KIAA1328: variants seen among roughly 807,000 people sequenced by gnomAD.
The protein encoded by KIAA1328 is KIAA1328, also known as protein hinderin.
A neutral mutation model predicts 68.1 loss-of-function variants in KIAA1328; 52 were observed. That is an observed-to-expected ratio of 0.76 (90% confidence interval 0.61 to 0.96). KIAA1328 has a LOEUF of 0.96. Ranked by LOEUF, KIAA1328 falls within the 40% of genes least tolerant of loss-of-function variation. The pLI is 0.00. For synonymous variants in KIAA1328, 232 were observed against 239.4 expected (o/e 0.97, Z 0.28); for missense variants, 641 against 677.6 (o/e 0.95, Z 0.60).
intron 1 of KIAA1328, among the ~76,000 whole-genome samples, chr18:36,834,007 G>A (rs2150761647): frequency 6.6e-6 from 1 of 152,262 alleles, no homozygotes. Context: ...AGTATATATT[G>A]CAGGGTAACC....
intron 7 of KIAA1328, among the ~76,000 whole-genome samples, chr18:37,071,800 C>T (rs2056543888): frequency 6.6e-6 from 1 of 152,154 alleles, no homozygotes; most frequent in Admixed American, 6.5e-5. Context: ...TCAAAGTCTA[C>T]TGGTGTCATA....
chr18:36,973,830 T>TACACACACACACATAC (rs2052349557), intron 6 of KIAA1328, among the ~76,000 whole-genome samples: 1 of 147,278 alleles, frequency 6.8e-6, no homozygotes, highest in South Asian at 2.2e-4. Context: ...CACACACACA[T>TACACACACACACATAC]ACACACACAC....
chr18:37,160,059 T>A (rs902312349), intron 7 of KIAA1328, 141 bp from the exon 8 acceptor site: 62 of 615,578 alleles, frequency 1.0e-4, no homozygotes, highest in Non-Finnish European at 1.5e-4. Context: ...TTGAGTAAAT[T>A]ATTTAAATTA....
At position 36,907,546 on chromosome 18, in the gene KIAA1328, G is replaced by A. The variant is rs185044610; in HGVS notation, c.448+21874G>A. Among the ~76,000 whole-genome samples the A allele has an allele frequency of 4.6e-5, 7 of 152,230 alleles. No individual in the cohort carries two copies. The East Asian group carries it at 1.4e-3, about 29-fold the overall frequency. On this transcript the variant is annotated intron_variant, in intron 5 of 9. Transcript: ENST00000280020. ...AAGCTTTTTTTGTGTAAATTGATCTGATCATATAGTTTTGCTGATGATTAA... is the reference window on the plus strand; with the variant it reads ...AAGCTTTTTTTGTGTAAATTGATCTAATCATATAGTTTTGCTGATGATTAA...
chr18:37,113,068 A>C (rs983970779), intron 7 of KIAA1328, among the ~76,000 whole-genome samples: 2 of 152,252 alleles, frequency 1.3e-5, no homozygotes, highest in Non-Finnish European at 2.9e-5. Context: ...GAATGGAACC[A>C]AGTTGGAAAA....
intron 6 of KIAA1328, among the ~76,000 whole-genome samples, chr18:36,990,780 TTTG>T (rs2151415158): frequency 6.6e-6 from 1 of 152,210 alleles, no homozygotes; most frequent in African/African-American, 2.4e-5. Flanking sequence ...TGTGTTTCTG[TTTG>T]TTAAATTCCC....
chr18:36,868,508 T>C (rs1312255025), intron 4 of KIAA1328, among the ~76,000 whole-genome samples: 1 of 152,204 alleles, frequency 6.6e-6, no homozygotes, highest in Non-Finnish European at 1.5e-5. Context: ...GATAATTCTC[T>C]ATACATGCAT....
At chr18:36,867,588 CAT>C (rs1034243068) in intron 4 of KIAA1328, among the ~76,000 whole-genome samples, 1 of 152,136 alleles carries the variant, frequency 6.6e-6, no homozygotes, top group Non-Finnish European at 1.5e-5. Flanking sequence ...AAGTTTAAAG[CAT>C]TCTTACAAGA....
intron 4 of KIAA1328, among the ~76,000 whole-genome samples, chr18:36,875,366 T>C (rs1224867616): frequency 1.3e-5 from 2 of 152,086 alleles, no homozygotes; most frequent in Admixed American, 1.3e-4. Flanking sequence ...GTAGTTCTCC[T>C]TGAAGAGGTC....
chr18:37,227,179 A>G (rs2154228172), downstream of KIAA1328, among the ~76,000 whole-genome samples: 1 of 152,356 alleles, frequency 6.6e-6, no homozygotes, highest in South Asian at 2.1e-4. Context: ...ATAGATGAAA[A>G]GCTTGCAGCT....
intron 5 of KIAA1328, among the ~76,000 whole-genome samples, chr18:36,899,356 G>A (rs1324065234): frequency 2.0e-5 from 3 of 151,864 alleles, no homozygotes; most frequent in Non-Finnish European, 2.9e-5. Context: ...TCAGTATGTA[G>A]TCAGTAAATA....
At position 36,909,103 on chromosome 18, in the gene KIAA1328, A is replaced by G. The variant is rs185463764; in HGVS notation, c.448+23431A>G. Among the ~76,000 whole-genome samples the G allele has an allele frequency of 4.6e-5, 7 of 152,198 alleles. No individual in the cohort carries two copies. The East Asian group carries it at 1.4e-3, about 29-fold the overall frequency. On this transcript the variant is annotated intron_variant, in intron 5 of 9. Transcript: ENST00000280020. Reference sequence around the variant, plus strand: ...TTTGAGTATAACTTACTCTGACCAAATAGAATAAAGCTGAAGTGATAGCTA... The same window carrying G: ...TTTGAGTATAACTTACTCTGACCAAGTAGAATAAAGCTGAAGTGATAGCTA...
chr18:37,003,437 C>T (rs1006915991), intron 6 of KIAA1328, among the ~76,000 whole-genome samples: 53 of 152,146 alleles, frequency 3.5e-4, no homozygotes, highest in African/African-American at 1.3e-3. Flanking sequence ...TAACTGTTCA[C>T]CTGGCAGGGG....
chr18:37,182,207 A>C (rs1186538187), intron 9 of KIAA1328, among the ~76,000 whole-genome samples: 2 of 152,182 alleles, frequency 1.3e-5, no homozygotes, highest in African/African-American at 4.8e-5. Flanking sequence ...CCTTAACTTC[A>C]ACTTTAAGAA....
intron 7 of KIAA1328, among the ~76,000 whole-genome samples, chr18:37,126,924 G>A (rs2058406579): frequency 6.6e-6 from 1 of 152,046 alleles, no homozygotes; most frequent in African/African-American, 2.4e-5. Flanking sequence ...AGTAATAGAA[G>A]GGAACTTCCT....
intron 6 of KIAA1328, among the ~76,000 whole-genome samples, chr18:36,966,913 A>G (rs1394413918): frequency 2.6e-5 from 4 of 152,162 alleles, no homozygotes; most frequent in African/African-American, 9.7e-5. Flanking sequence ...AACTGGTAAA[A>G]CAGTCTTAAA....
intron 3 of KIAA1328, among the ~76,000 whole-genome samples, chr18:36,836,228 A>G (rs574727402): frequency 3.5e-4 from 53 of 152,336 alleles, no homozygotes; most frequent in African/African-American, 1.3e-3. Flanking sequence ...TACTTGTACC[A>G]GTGTACCCAC....
At chr18:37,036,270 A>ACT (rs2055024267) in intron 6 of KIAA1328, among the ~76,000 whole-genome samples, 1 of 152,222 alleles carries the variant, frequency 6.6e-6, no homozygotes, top group African/African-American at 2.4e-5. Context: ...ACTTATAGGA[A>ACT]AGAAGCAGTT....
At chr18:37,012,375 A>G (rs2054008079) in intron 6 of KIAA1328, among the ~76,000 whole-genome samples, 1 of 152,194 alleles carries the variant, frequency 6.6e-6, no homozygotes, top group African/African-American at 2.4e-5. Flanking sequence ...CCAGAAAACT[A>G]AAATGTATTC....
Sources: allele counts gnomAD v4.1 joint callset (sites outside exome capture counted in the v4.1 genomes callset), GRCh38; gene constraint gnomAD v4.1.1; transcripts MANE v1.5; gene names NCBI Gene and HGNC (gene_info 2026-07-23, HGNC 2026-07-21).